PRDM11: variants seen among roughly 807,000 people sequenced by gnomAD.
The protein encoded by PRDM11 is PR/SET domain 11, also known as PR domain-containing protein 11.
Under a neutral mutation model 97.8 loss-of-function variants are expected in PRDM11, and 20 were observed. The ratio of observed to expected loss-of-function variants is 0.20; its 90% confidence interval spans 0.14 to 0.30. The LOEUF (loss-of-function observed/expected upper bound fraction) is 0.30. Among genes scored for constraint, PRDM11 ranks in the 10% least tolerant of loss-of-function variants. The pLI is 1.00. For missense variants in PRDM11, 1,139 were observed against 1,555.2 expected, an observed-to-expected ratio of 0.73 and a Z score of 4.50; for synonymous variants, 599 against 637.7, an observed-to-expected ratio of 0.94 and a Z score of 0.91.
At chr11:45,215,171 G>A (rs1262754902) in intron 5 of PRDM11, among the ~76,000 whole-genome samples, 1 of 152,216 alleles carries the variant, frequency 6.6e-6, no homozygotes, top group Non-Finnish European at 1.5e-5. Flanking sequence ...CCAGGTGTCT[G>A]TGTGTCTGGC....
At chr11:45,096,202 G>A (rs1323216177) in intron 1 of PRDM11, among the ~76,000 whole-genome samples, 2 of 152,192 alleles carry the variant, frequency 1.3e-5, no homozygotes, top group Non-Finnish European at 2.9e-5. Context: ...CACCTGCCAT[G>A]TTCACTGCCA....
chr11:45,155,417 C>T (rs183095392), intron 1 of PRDM11, among the ~76,000 whole-genome samples: 16 of 152,160 alleles, frequency 1.1e-4, no homozygotes, highest in Non-Finnish European at 4.4e-5. Context: ...GACTCAGCAC[C>T]GTCATGGCCC....
In PRDM11 at chr11:45,163,069, TG is replaced by T. The variant is rs537853064; in HGVS notation, c.-7+16195del. Among the ~76,000 whole-genome samples the T allele has an allele frequency of 6.0e-4, 91 of 151,798 alleles. 1 individual carries two copies. Among genetic ancestry groups the T allele is most frequent in the Admixed American group, 2.6e-3 (39 of 15,258 alleles). ...ATGCTCTCAACTGTGTCCCAAGGAGTGGGTGGTACTGCTCCCAGCTGTCCAC... is the reference window on the plus strand; with the variant it reads ...ATGCTCTCAACTGTGTCCCAAGGAGTGGTGGTACTGCTCCCAGCTGTCCAC... On this transcript the variant is annotated intron_variant, in intron 1 of 7. Coordinates refer to ENST00000683152, the MANE Select transcript of PRDM11 (RefSeq NM_001384648.1).
chr11:45,117,736 G>C (rs748320334), intron 1 of PRDM11, among the ~76,000 whole-genome samples: 1 of 151,908 alleles, frequency 6.6e-6, no homozygotes, highest in Non-Finnish European at 1.5e-5. Context: ...GATAGAGCAA[G>C]ATGCCATCTC....
chr11:45,150,933 C>G (rs1333150589), intron 1 of PRDM11, among the ~76,000 whole-genome samples: 1 of 152,160 alleles, frequency 6.6e-6, no homozygotes, highest in African/African-American at 2.4e-5. Context: ...GAGACTATGG[C>G]TACAAAAGAT....
intron 3 of PRDM11, 40 bp downstream of exon 3, chr11:45,182,389 C>T (rs1852541169): frequency 1.3e-6 from 2 of 1,539,162 alleles, no homozygotes; most frequent in Non-Finnish European, 1.8e-6. Context: ...CCTCCCTTCA[C>T]CCCCATCGCC....
chr11:45,099,436 G>C (rs1403044307), intron 1 of PRDM11, among the ~76,000 whole-genome samples: 1 of 129,414 alleles, frequency 7.7e-6, no homozygotes, highest in African/African-American at 3.0e-5. Context: ...GGGTAACAGA[G>C]TGAGACTCCA....
chr11:45,144,987 C>T (rs1851474909), upstream of PRDM11, among the ~76,000 whole-genome samples: 1 of 152,146 alleles, frequency 6.6e-6, no homozygotes, highest in African/African-American at 2.4e-5. Flanking sequence ...ACCCCTCCCC[C>T]AACCCCCGTC....
intron 1 of PRDM11, among the ~76,000 whole-genome samples, chr11:45,164,517 C>A (rs116698314): frequency 2.0e-5 from 3 of 152,236 alleles, no homozygotes; most frequent in Non-Finnish European, 4.4e-5. Flanking sequence ...GCTGCCAGGG[C>A]GCCAGCCACC....
intron 1 of PRDM11, among the ~76,000 whole-genome samples, chr11:45,177,774 C>T (rs1221283042): frequency 6.6e-6 from 1 of 152,170 alleles, no homozygotes; most frequent in Non-Finnish European, 1.5e-5. Flanking sequence ...TCCCTTTATG[C>T]TTTGGCTGCC....
At chr11:45,205,479 G>A (rs1853474540) in intron 5 of PRDM11, among the ~76,000 whole-genome samples, 1 of 152,006 alleles carries the variant, frequency 6.6e-6, no homozygotes, top group Non-Finnish European at 1.5e-5. Context: ...GATCTGACAT[G>A]CCTTGTTGCC....
intron 1 of PRDM11, among the ~76,000 whole-genome samples, chr11:45,125,472 C>A (rs1852545340): frequency 6.6e-6 from 1 of 152,310 alleles, no homozygotes; most frequent in South Asian, 2.1e-4. Flanking sequence ...CTCCTGTGGG[C>A]ATTTAGTGCT....
intron 1 of PRDM11, among the ~76,000 whole-genome samples, chr11:45,096,489 AG>A (rs1230039926): frequency 6.6e-6 from 1 of 152,144 alleles, no homozygotes; most frequent in African/African-American, 2.4e-5. Context: ...TCTAAGCAGG[AG>A]GGTTGTGGGG....
At chr11:45,141,847 G>A (rs1851411254), upstream of PRDM11, among the ~76,000 whole-genome samples, 1 of 152,182 alleles carries the variant, frequency 6.6e-6, no homozygotes, top group Non-Finnish European at 1.5e-5. Context: ...GACAGCCTGG[G>A]TCATGGACCA....
At chr11:45,220,345 C>G (rs1325417518) in intron 6 of PRDM11, among the ~76,000 whole-genome samples, 1 of 152,222 alleles carries the variant, frequency 6.6e-6, no homozygotes, top group Admixed American at 6.5e-5. Context: ...ATGTAATTAT[C>G]ATAGCAGCCA....
intron 1 of PRDM11, among the ~76,000 whole-genome samples, chr11:45,153,111 G>A (rs1355951053): frequency 2.0e-5 from 3 of 152,262 alleles, no homozygotes; most frequent in Non-Finnish European, 2.9e-5. Context: ...CCTCTACAGC[G>A]AAGGTCAGAG....
chr11:45,224,900 G>A (rs758173995), intron 7 of PRDM11, 57 bp downstream of exon 7: 2 of 1,603,026 alleles, frequency 1.2e-6, no homozygotes, highest in South Asian at 1.1e-5. Flanking sequence ...TGGGCTGTGT[G>A]GAGGGTAGCC....
chr11:45,224,287 T>G lies in PRDM11; in HGVS notation c.813T>G (p.Ile271Met). Reference sequence around the variant, plus strand: ...ACCCAGAAGACCTGAGGGGTCCCATTCATCTCTCTGTGCTGAGACAGGGCA... The same window carrying G: ...ACCCAGAAGACCTGAGGGGTCCCATGCATCTCTCTGTGCTGAGACAGGGCA... ...LDNPEDLRGP[I>M]HLSVLRQGKS... Residue 271 changes from isoleucine (I) to methionine (M), a missense_variant, in exon 7 of 8, where the codon ATT (isoleucine) becomes ATG (methionine). Around this residue, in one of 2 missense-constraint regions of PRDM11, gnomAD observed 429 missense variants for 510.3 expected, o/e 0.84. Transcript: ENST00000683152. 1 of 1,614,078 alleles carries G rather than the reference T, an allele frequency of 6.2e-7. No homozygotes were observed. The highest frequency in any genetic ancestry group is 8.5e-7 in the Non-Finnish European group (1 of 1,179,996).
intron 1 of PRDM11, among the ~76,000 whole-genome samples, chr11:45,153,353 C>T (rs7109943): frequency 0.15 from 22,175 of 152,296 alleles, 1,933 homozygotes; most frequent in Middle Eastern, 0.24. Flanking sequence ...CACCAGATAG[C>T]GGTGAGATCT....
Sources: gnomAD v4.1 joint callset for allele counts (sites outside exome capture counted in the v4.1 genomes callset) on GRCh38, gnomAD v4.1.1 for gene constraint, gnomAD v4.1.1 regional missense constraint, MANE v1.5 for transcripts, NCBI Gene and HGNC (gene_info 2026-07-23, HGNC 2026-07-21) for gene names.